ULK4: variants seen among roughly 807,000 people sequenced by gnomAD.
ULK4 encodes the protein inactive serine/threonine-protein kinase ULK4.
ULK4 carries 133 observed loss-of-function variants against 160.6 expected under a neutral mutation model. The observed-to-expected ratio is 0.83, with a 90% confidence interval of 0.72 to 0.96. ULK4 has a LOEUF of 0.96. Ranked by LOEUF, ULK4 falls within the 40% of genes least tolerant of loss-of-function variation. The probability of loss-of-function intolerance (pLI) is 0.00; values close to 1 mark genes in which losing one functional copy is unlikely to be tolerated. For missense variants in ULK4, 1,580 were observed against 1,499.5 expected (o/e 1.05, Z -0.89); for synonymous variants, 534 against 539.8 (o/e 0.99, Z 0.15).
chr3:41,762,655 C>CGT lies in ULK4; in HGVS notation c.2194-8168_2194-8167insAC, dbSNP rs538388454. Among the ~76,000 whole-genome samples, 228 of 88,998 alleles carry CGT rather than the reference C, an allele frequency of 2.6e-3. 2 individuals are homozygous for CGT. The highest frequency in any genetic ancestry group is 9.1e-3 in the African/African-American group (202 of 22,250). The allele number at this position is 88,998 out of a possible 152,430, so 58.4% of individuals were successfully genotyped here. A position where few individuals can be genotyped will look rare whatever the true frequency, so the allele number is the denominator to read the frequency against. The stretch of plus-strand genomic sequence containing the variant: ...AGCAAGAGAGCCAGGAAGTGTTACA[C>CGT]TTTTTTTTTTTTTTTTTTTTTTTTT... On this transcript the variant is annotated intron_variant, in intron 21 of 36. Coordinates refer to ENST00000301831, the MANE Select transcript of ULK4 (RefSeq NM_017886.4).
At chr3:41,501,437 G>A (rs2085204234) in intron 32 of ULK4, among the ~76,000 whole-genome samples, 1 of 152,166 alleles carries the variant, frequency 6.6e-6, no homozygotes, top group African/African-American at 2.4e-5. Flanking sequence ...GGCGGCGCTT[G>A]CAGTGAGCCG....
At chr3:41,660,243 C>T (rs1016012016) in intron 30 of ULK4, among the ~76,000 whole-genome samples, 2 of 151,632 alleles carry the variant, frequency 1.3e-5, no homozygotes, top group African/African-American at 2.4e-5. Flanking sequence ...TGTGATGAGC[C>T]GAGATTGTGC....
chr3:41,389,459 AG>A (rs1166809737), intron 35 of ULK4, among the ~76,000 whole-genome samples: 1 of 152,170 alleles, frequency 6.6e-6, no homozygotes, highest in Non-Finnish European at 1.5e-5. Context: ...CAGTTTTCAA[AG>A]GGAATGCTTC....
chr3:41,812,290 CAAACAAAACA>C (rs967568982), intron 19 of ULK4, among the ~76,000 whole-genome samples: 205 of 152,040 alleles, frequency 1.3e-3, no homozygotes, highest in Non-Finnish European at 2.5e-3. Context: ...GTCTCAAAAA[CAAACAAAACA>C]AAACAAAACA....
intron 30 of ULK4, among the ~76,000 whole-genome samples, chr3:41,648,132 T>A (rs1282869964): frequency 6.6e-6 from 1 of 152,214 alleles, no homozygotes; most frequent in African/African-American, 2.4e-5. Context: ...GGGAACTCCC[T>A]GACCCCTTGC....
intron 35 of ULK4, among the ~76,000 whole-genome samples, chr3:41,380,153 T>C (rs2125793820): frequency 6.6e-6 from 1 of 152,174 alleles, no homozygotes; most frequent in South Asian, 2.1e-4. Context: ...AACTAGATGA[T>C]TAACAGCTGG....
At chr3:41,583,024 G>A (rs1020310078) in intron 31 of ULK4, among the ~76,000 whole-genome samples, 3 of 152,130 alleles carry the variant, frequency 2.0e-5, no homozygotes, top group Non-Finnish European at 2.9e-5. Context: ...AGATGGGGTG[G>A]GAGAGGGAAT....
At chr3:41,576,460 C>A (rs566612656) in intron 31 of ULK4, among the ~76,000 whole-genome samples, 6 of 152,296 alleles carry the variant, frequency 3.9e-5, no homozygotes, top group Non-Finnish European at 7.3e-5. Context: ...GTCCCTGGTA[C>A]ACAGTGGTCT....
intron 35 of ULK4, among the ~76,000 whole-genome samples, chr3:41,394,670 C>T (rs2082020471): frequency 6.6e-6 from 1 of 152,086 alleles, no homozygotes. Flanking sequence ...GTTGAGAAAT[C>T]CGAATTTGAA....
intron 19 of ULK4, among the ~76,000 whole-genome samples, chr3:41,809,793 T>C (rs560072305): frequency 7.2e-5 from 11 of 152,358 alleles, no homozygotes; most frequent in Middle Eastern, 3.4e-3. Flanking sequence ...CAATAATTTA[T>C]TTTTGCCCTT....
At chr3:41,673,274 A>G (rs1053874421) in intron 29 of ULK4, among the ~76,000 whole-genome samples, 1 of 152,174 alleles carries the variant, frequency 6.6e-6, no homozygotes, top group Non-Finnish European at 1.5e-5. Context: ...TAAGGGAGAC[A>G]AAGAAGCAAT....
At chr3:41,955,181 G>A (rs1330013129) in intron 1 of ULK4, among the ~76,000 whole-genome samples, 1 of 152,068 alleles carries the variant, frequency 6.6e-6, no homozygotes, top group Non-Finnish European at 1.5e-5. Flanking sequence ...TCCCAGCTAC[G>A]CGGGAGGCTG....
chr3:41,628,914 C>G (rs1183461823), intron 30 of ULK4, among the ~76,000 whole-genome samples: 3 of 152,192 alleles, frequency 2.0e-5, no homozygotes, highest in Non-Finnish European at 4.4e-5. Context: ...TTTGACTCTT[C>G]TCTCAGAAGA....
chr3:41,403,423 G>A (rs575605103), intron 34 of ULK4, among the ~76,000 whole-genome samples: 7 of 152,204 alleles, frequency 4.6e-5, no homozygotes. Flanking sequence ...TTAAATGGTT[G>A]CAGATATACA....
chr3:41,825,093 A>G (rs892424105), intron 18 of ULK4, among the ~76,000 whole-genome samples: 6 of 152,262 alleles, frequency 3.9e-5, no homozygotes, highest in African/African-American at 1.4e-4. Flanking sequence ...ACAGACCTGC[A>G]GCTGAGGGTC....
At chr3:41,494,635 A>T (rs1216766698) in intron 32 of ULK4, among the ~76,000 whole-genome samples, 2 of 152,218 alleles carry the variant, frequency 1.3e-5, no homozygotes, top group Non-Finnish European at 2.9e-5. Flanking sequence ...AGAGGAAGTC[A>T]AATTGTCCCT....
At chr3:41,251,593 G>A (rs1254295417) in intron 35 of ULK4, among the ~76,000 whole-genome samples, 4 of 152,274 alleles carry the variant, frequency 2.6e-5, no homozygotes, top group South Asian at 4.1e-4. Flanking sequence ...ATAGAGAAGG[G>A]AAATCCCCAA....
At chr3:41,268,196 G>A (rs1033865708) in intron 35 of ULK4, among the ~76,000 whole-genome samples, 4 of 152,156 alleles carry the variant, frequency 2.6e-5, no homozygotes, top group African/African-American at 9.7e-5. Context: ...TGTCAATAGT[G>A]CCGAGGTTGA....
chr3:41,600,613 A>G (rs78586115), intron 31 of ULK4, among the ~76,000 whole-genome samples: 318 of 152,338 alleles, frequency 2.1e-3, no homozygotes, highest in East Asian at 0.013. Flanking sequence ...CATGCTCAAC[A>G]GAGTGTCCCC....
Sources: allele counts gnomAD v4.1 joint callset (sites outside exome capture counted in the v4.1 genomes callset), GRCh38; gene constraint gnomAD v4.1.1; transcripts MANE v1.5; gene names NCBI Gene and HGNC (gene_info 2026-07-23, HGNC 2026-07-21).